RHOG: variants seen among roughly 807,000 people sequenced by gnomAD.
RHOG encodes the protein rho-related GTP-binding protein RhoG.
A neutral mutation model predicts 12.3 loss-of-function variants in RHOG; 1 was observed. The observed-to-expected ratio is 0.08, with a 90% CI of 0.03 to 0.39. The LOEUF (loss-of-function observed/expected upper bound fraction) is 0.39. Among genes scored for constraint, RHOG ranks in the 10% least tolerant of loss-of-function variants. The pLI is 0.99. For synonymous variants in RHOG, 129 were observed against 116.0 expected (o/e 1.11, Z -0.72); for missense variants, 114 against 266.2 (o/e 0.43, Z 3.98).
chr11:3,828,920 A>T (rs563206237), intron 1 of RHOG, among the ~76,000 whole-genome samples: 3 of 145,504 alleles, frequency 2.1e-5, no homozygotes, highest in Non-Finnish European at 4.5e-5. Context: ...GCGCCTGGCC[A>T]GTATTAGCTA....
chr11:3,831,478 C>T lies in RHOG; in HGVS notation c.-68-3272G>A, dbSNP rs561457641. On this transcript the variant is annotated intron_variant, in intron 1 of 1. Transcript: ENST00000351018. ...ACGTCAGGACATTCAGATAGAGACC[C>T]TCAGACAGTGGGTCAGGGAAGGGCA... Among the ~76,000 whole-genome samples the T allele has an allele frequency of 1.4e-4, 22 of 152,270 alleles. 1 individual carries two copies. The highest frequency in any genetic ancestry group is 3.4e-3 in the Middle Eastern group (1 of 294).
At chr11:3,829,092 C>T (rs1278765636) in intron 1 of RHOG, among the ~76,000 whole-genome samples, 2 of 151,866 alleles carry the variant, frequency 1.3e-5, no homozygotes, top group African/African-American at 4.8e-5. Context: ...ATAAGTAGAA[C>T]CTCTCTCAAC....
At chr11:3,829,141 G>C (rs1451344789) in intron 1 of RHOG, among the ~76,000 whole-genome samples, 1 of 151,990 alleles carries the variant, frequency 6.6e-6, no homozygotes, top group Non-Finnish European at 1.5e-5. Flanking sequence ...TGGTATCTTG[G>C]CTACTGAGTA....
At chr11:3,834,529 G>A (rs970650155) in intron 1 of RHOG, among the ~76,000 whole-genome samples, 2 of 152,180 alleles carry the variant, frequency 1.3e-5, no homozygotes, top group African/African-American at 2.4e-5. Flanking sequence ...AGCAATGACA[G>A]GCAAAAGCTA....
chr11:3,838,166 C>T (rs942784873), intron 1 of RHOG, among the ~76,000 whole-genome samples: 1 of 152,214 alleles, frequency 6.6e-6, no homozygotes, highest in African/African-American at 2.4e-5. Flanking sequence ...ATGTCACAAC[C>T]TTGACCATAC....
In RHOG at chr11:3,837,490, T is replaced by A. The variant is rs139470027; in HGVS notation, c.-69+3404A>T. ...GCTGGTAAGACACAAGGGCCCAGAG[T>A]GAGGGGCACTGCTATGAGCAGTCTC... On this transcript the variant is annotated intron_variant, in intron 1 of 1. Transcript: ENST00000351018. 8.4e-3 allele frequency among the ~76,000 whole-genome samples: 1,282 copies of A among 152,098 alleles called. 66 individuals are homozygous for A. Among genetic ancestry groups the A allele is most frequent in the Admixed American group, 0.079 (1,210 of 15,270 alleles).
Position 3,827,737 on chromosome 11 carries a change from C to T in RHOG, c.402G>A (p.Gln134=). 1 of 1,614,072 alleles carries T rather than the reference C, an allele frequency of 6.2e-7. No individual in the cohort carries two copies. The highest frequency in any genetic ancestry group is 8.5e-7 in the Non-Finnish European group (1 of 1,180,016). The change falls in exon 2 of 2, where the codon CAG becomes CAA. Residue 134 remains glutamine, a synonymous_variant. Transcript: ENST00000351018. This position sits in a 1 kb window ranked among gnomAD's most constrained non-coding sequence, Gnocchi z 7.3. The part of the protein sequence containing the change: ...DTLRRLKEQG[Q]APITPQQGQA... ...GGCCCTGCTGCGGTGTGATGGGCGC[C>T]TGGCCCTGCTCCTTGAGGCGCCGTA...
chr11:3,836,757 G>A (rs1590480535), intron 1 of RHOG, among the ~76,000 whole-genome samples: 1 of 151,760 alleles, frequency 6.6e-6, no homozygotes, highest in South Asian at 2.1e-4. Context: ...AAAAAAATTA[G>A]CTGGGCCTGG....
At chr11:3,828,622 ATTTTTT>A (rs755612599) in intron 1 of RHOG, among the ~76,000 whole-genome samples, 1 of 125,756 alleles carries the variant, frequency 8.0e-6, no homozygotes, top group African/African-American at 3.1e-5. Context: ...AGTATTAGCT[ATTTTTT>A]TTTTTTTTTT....
intron 1 of RHOG, among the ~76,000 whole-genome samples, chr11:3,837,066 C>T (rs1167706952): frequency 2.0e-5 from 3 of 152,094 alleles, no homozygotes; most frequent in Admixed American, 6.6e-5. Flanking sequence ...CCCTGGGCCC[C>T]ACCAAAGGCC....
intron 1 of RHOG, among the ~76,000 whole-genome samples, chr11:3,838,650 A>G (rs951322463): frequency 4.3e-5 from 6 of 140,894 alleles, no homozygotes; most frequent in African/African-American, 1.3e-4. Context: ...CGACTGTGAC[A>G]TGGGAAGATG....
intron 1 of RHOG, among the ~76,000 whole-genome samples, chr11:3,833,840 C>T (rs2090142978): frequency 6.6e-6 from 1 of 152,148 alleles, no homozygotes; most frequent in Non-Finnish European, 1.5e-5. Context: ...TTTGTTTTTC[C>T]CTCTGCTGCC....
At chr11:3,837,098 C>T (rs1042236990) in intron 1 of RHOG, among the ~76,000 whole-genome samples, 2 of 151,916 alleles carry the variant, frequency 1.3e-5, no homozygotes, top group Admixed American at 6.6e-5. Context: ...ACTTCCTTTG[C>T]CTTTGCTAAT....
intron 1 of RHOG, among the ~76,000 whole-genome samples, chr11:3,832,280 A>G (rs1156953871): frequency 1.3e-5 from 2 of 152,222 alleles, no homozygotes; most frequent in East Asian, 3.8e-4. Flanking sequence ...TCAGAACAGT[A>G]AAAGTAACTC....
At chr11:3,834,344 A>C (rs1234674355) in intron 1 of RHOG, among the ~76,000 whole-genome samples, 1 of 152,144 alleles carries the variant, frequency 6.6e-6, no homozygotes, top group Non-Finnish European at 1.5e-5. Flanking sequence ...CTAAATGACA[A>C]AAAAAAACCT....
At position 3,828,169 on chromosome 11, in the gene RHOG, G is replaced by A. The variant is rs985680774; in HGVS notation, c.-31C>T. Reference sequence around the variant, plus strand: ...GTGCAGTTGCTGTAGTGGAGGCAGTGCCTCCTCTCTCTTCTGGACCCCTCT... The same window carrying A: ...GTGCAGTTGCTGTAGTGGAGGCAGTACCTCCTCTCTCTTCTGGACCCCTCT... On this transcript the variant is annotated 5_prime_UTR_variant, in exon 2 of 2. Transcript: ENST00000351018. The A allele has an allele frequency of 3.8e-6, 6 of 1,585,920 alleles. No homozygotes were observed. In the African/African-American group the frequency reaches 6.7e-5, roughly 18 times the overall value.
intron 1 of RHOG, among the ~76,000 whole-genome samples, chr11:3,835,297 C>G (rs182528998): frequency 6.6e-6 from 1 of 152,198 alleles, no homozygotes; most frequent in Non-Finnish European, 1.5e-5. Flanking sequence ...GACTCACCCC[C>G]CTTCAGATCC....
At chr11:3,838,244 T>G (rs2090168342) in intron 1 of RHOG, among the ~76,000 whole-genome samples, 1 of 152,170 alleles carries the variant, frequency 6.6e-6, no homozygotes, top group African/African-American at 2.4e-5. Context: ...CCCCCCAATA[T>G]TTTCCCATTA....
intron 1 of RHOG, among the ~76,000 whole-genome samples, chr11:3,836,657 G>A (rs2135140670): frequency 6.6e-6 from 1 of 151,898 alleles, no homozygotes; most frequent in East Asian, 1.9e-4. Context: ...CCAGCACTTT[G>A]GGAGGCTGAG....
Sources: gnomAD v4.1 joint callset for allele counts (sites outside exome capture counted in the v4.1 genomes callset) on GRCh38, gnomAD v4.1.1 for gene constraint, Gnocchi (gnomAD v3.1) non-coding constraint, MANE v1.5 for transcripts, NCBI Gene and HGNC (gene_info 2026-07-23, HGNC 2026-07-21) for gene names.